The following CUX1 variants were observed in gnomAD, a reference collection of about 807,000 sequenced individuals.
CUX1 encodes the protein cut like homeobox 1.
Under a neutral mutation model 158.8 loss-of-function variants are expected in CUX1, and 31 were observed. The observed-to-expected ratio is 0.20, with a 90% confidence interval of 0.15 to 0.26. The LOEUF is 0.26. Ranked by LOEUF, CUX1 falls within the 10% of genes least tolerant of loss-of-function variation. The pLI, the probability that CUX1 is intolerant of heterozygous loss-of-function variation, is 1.00. For missense variants in CUX1, 1,589 were observed against 2,014.6 expected (o/e 0.79, Z 4.04); for synonymous variants, 879 against 862.1 (o/e 1.02, Z -0.34).
At chr7:102,018,149 A>T (rs1248354106) in intron 2 of CUX1, among the ~76,000 whole-genome samples, 2 of 152,016 alleles carry the variant, frequency 1.3e-5, no homozygotes, top group Non-Finnish European at 2.9e-5. Flanking sequence ...TTTGTAGAGC[A>T]GGAGTGTCCC....
chr7:101,925,380 G>A (rs1466596797), intron 2 of CUX1, among the ~76,000 whole-genome samples: 1 of 152,152 alleles, frequency 6.6e-6, no homozygotes, highest in Non-Finnish European at 1.5e-5. Flanking sequence ...TAAAGTGTTG[G>A]GATTACAGGC....
At position 102,093,123 on chromosome 7, in the gene CUX1, G is replaced by T. The variant is rs1828791691; in HGVS notation, c.269-4241G>T. Among the ~76,000 whole-genome samples, 3 of 147,422 alleles carry T rather than the reference G, an allele frequency of 2.0e-5. 1 individual carries two copies. The South Asian group carries it at 6.5e-4, about 32-fold the overall frequency. ...TATTTGTTAAATTAGTACTGAAAGA[G>T]ATTTTCTTTGGCTGCTGGTTAAGAA... is the stretch of plus-strand genomic sequence containing the variant. On this transcript the variant is annotated intron_variant, in intron 4 of 23. Coordinates refer to ENST00000292535, the MANE Select transcript of CUX1 (RefSeq NM_181552.4).
intron 1 of CUX1, among the ~76,000 whole-genome samples, chr7:101,878,117 TC>T (rs1464910498): frequency 6.6e-6 from 1 of 152,218 alleles, no homozygotes; most frequent in Non-Finnish European, 1.5e-5. Flanking sequence ...GCTAATTCTT[TC>T]ATGATTGCAC....
chr7:102,259,015 C>T (rs1006447113), downstream of CUX1, among the ~76,000 whole-genome samples: 4 of 152,086 alleles, frequency 2.6e-5, no homozygotes, highest in African/African-American at 7.2e-5. Flanking sequence ...GCCAGGCCGA[C>T]GTGTGTCTGG....
intron 16 of CUX1, among the ~76,000 whole-genome samples, chr7:102,274,484 C>T (rs73712453): frequency 0.029 from 4,388 of 152,304 alleles, 213 homozygotes; most frequent in African/African-American, 0.097. Context: ...GGTGTGGTGG[C>T]GCACACCTAT....
chr7:101,924,562 CT>C lies in CUX1; in HGVS notation c.141+8351del, dbSNP rs777090455. The stretch of plus-strand genomic sequence containing the variant: ...ACATATCATCCCAATTACTTTTTTC[CT>C]TTTTTTTTTTTTTCTTTTTGGAGAC... On this transcript the variant is annotated intron_variant, in intron 2 of 23. Coordinates refer to ENST00000292535, the MANE Select transcript of CUX1 (RefSeq NM_181552.4). Among the ~76,000 whole-genome samples the C allele has an allele frequency of 2.2e-3, 315 of 141,014 alleles. 1 individual carries two copies. The highest frequency in any genetic ancestry group is 3.6e-3 in the Middle Eastern group (1 of 276). The allele number at this position is 141,014 out of a possible 152,430, so 92.5% of individuals were successfully genotyped here.
chr7:102,163,227 T>TCC (rs1790646938), intron 9 of CUX1, among the ~76,000 whole-genome samples: 4 of 152,018 alleles, frequency 2.6e-5, no homozygotes, highest in African/African-American at 9.7e-5. Flanking sequence ...CGGCGGTGCC[T>TCC]ATAGTACCGG....
At chr7:102,198,993 G>T in intron 16 of CUX1, 126 bp downstream of exon 16, 1 of 862,508 alleles carries the variant, frequency 1.2e-6, no homozygotes, top group Non-Finnish European at 1.9e-6. Flanking sequence ...AAAACAGCTA[G>T]TAAGTATAAA....
At chr7:102,102,518 G>A (rs782297671) in intron 5 of CUX1, among the ~76,000 whole-genome samples, 3 of 150,152 alleles carry the variant, frequency 2.0e-5, no homozygotes, top group Admixed American at 6.6e-5. Context: ...TCTGGCCAGC[G>A]CATGTCCGTG....
chr7:101,816,011 C>A (rs758287757), upstream of CUX1: 1 of 1,412,240 alleles, frequency 7.1e-7, no homozygotes, highest in Admixed American at 2.0e-5. Context: ...GCCGCTCACT[C>A]CGTCTCAATA....
At chr7:102,270,160 G>A (rs950253634) in intron 14 of CUX1, among the ~76,000 whole-genome samples, 9 of 152,208 alleles carry the variant, frequency 5.9e-5, no homozygotes, top group South Asian at 4.1e-4. Context: ...ATGCAAGCCC[G>A]GTTCTGGACT....
intron 13 of CUX1, among the ~76,000 whole-genome samples, chr7:102,194,750 T>C (rs1275474525): frequency 6.6e-6 from 1 of 150,958 alleles, no homozygotes; most frequent in Non-Finnish European, 1.5e-5. Context: ...AGACCAAGCA[T>C]GGTGGCTCAC....
intron 2 of CUX1, among the ~76,000 whole-genome samples, chr7:101,973,570 C>A (rs569723506): frequency 6.6e-6 from 1 of 151,958 alleles, no homozygotes; most frequent in Non-Finnish European, 1.5e-5. Flanking sequence ...AATTAATTTG[C>A]GCCAAATGAA....
intron 4 of CUX1, among the ~76,000 whole-genome samples, chr7:102,088,804 T>C (rs1554481365): frequency 6.6e-6 from 1 of 152,190 alleles, no homozygotes. Flanking sequence ...AGATTTTCCT[T>C]TTCTAATTTT....
chr7:102,129,234 G>A (rs1832964830), intron 8 of CUX1, among the ~76,000 whole-genome samples: 1 of 152,206 alleles, frequency 6.6e-6, no homozygotes, highest in South Asian at 2.1e-4. Context: ...GGGGCACCCA[G>A]GTGTAAAGCT....
chr7:102,054,616 AT>A (rs1367694670), intron 3 of CUX1, among the ~76,000 whole-genome samples: 1 of 152,032 alleles, frequency 6.6e-6, no homozygotes, highest in Non-Finnish European at 1.5e-5. Flanking sequence ...TATTTTGGTT[AT>A]TTGGGGTCAT....
At chr7:101,880,334 G>C (rs534759957) in intron 1 of CUX1, among the ~76,000 whole-genome samples, 11 of 152,242 alleles carry the variant, frequency 7.2e-5, no homozygotes, top group Admixed American at 4.6e-4. Context: ...TGGAACAATG[G>C]CTCACAATGA....
At chr7:101,829,750 G>A (rs1793770633) in intron 1 of CUX1, among the ~76,000 whole-genome samples, 2 of 152,332 alleles carry the variant, frequency 1.3e-5, no homozygotes, top group South Asian at 4.1e-4. Context: ...GCCCTGGCAA[G>A]ACTTCAAACT....
rs531328610 is a variant in CUX1, at chr7:102,250,756, G to A, written c.*1714G>A. 3.0e-6 allele frequency: 3 copies of A among 985,310 alleles called. No homozygotes were observed. Among genetic ancestry groups the A allele is most frequent in the Admixed American group, 6.2e-5 (1 of 16,250 alleles). 61.0% of individuals were successfully genotyped at this position (985,310 alleles called of 1,614,324 possible). On this transcript the variant is annotated 3_prime_UTR_variant, in exon 24 of 24. Transcript: ENST00000292535. Reference sequence around the variant, plus strand: ...TCCTCCCTTGTCTATGTGTATATGCGTGAGAATAGAGGCGGGTGAGAGTGT... The same window carrying A: ...TCCTCCCTTGTCTATGTGTATATGCATGAGAATAGAGGCGGGTGAGAGTGT...
Sources: gnomAD v4.1 joint callset for allele counts (sites outside exome capture counted in the v4.1 genomes callset) on GRCh38, gnomAD v4.1.1 for gene constraint, MANE v1.5 for transcripts, NCBI Gene and HGNC (gene_info 2026-07-23, HGNC 2026-07-21) for gene names.